The following C1GALT1C1 variants were observed in gnomAD, a reference collection of about 807,000 sequenced individuals.
C1GALT1C1 encodes C1GALT1-specific chaperone 1.
For missense variants in C1GALT1C1, 176 were observed against 234.7 expected (o/e 0.75, Z 1.63); for synonymous variants, 77 against 77.9 (o/e 0.99, Z 0.06).
At chrX:120,627,238 T>C in intron 1 of C1GALT1C1, 67 bp from the exon 2 acceptor site, 1 of 815,892 alleles carries the variant, frequency 1.2e-6, no homozygotes, top group Non-Finnish European at 1.7e-6. Flanking sequence ...TTTGATTTGG[T>C]ATTCCTTATA....
At position 120,626,591 on chromosome X, in the gene C1GALT1C1, T is replaced by G. The variant is rs1408027566; in HGVS notation, c.576A>C (p.Glu192Asp). ...GAAGGCTGTTAAGTCTTTTCATTGA[T>G]TCTACACTTAAGACAATTCCTCCTT... Reference protein sequence around the residue: ...GMEGGIVLSVESMKRLNSLLN... With the variant: ...GMEGGIVLSVDSMKRLNSLLN... Residue 192 changes from glutamate to aspartate, a missense_variant, in exon 2 of 2, where the codon GAA (glutamate) becomes GAC (aspartate). Coordinates refer to ENST00000304661, the MANE Select transcript of C1GALT1C1 (RefSeq NM_001011551.3). 1 of 1,211,428 alleles carries G rather than the reference T, an allele frequency of 8.3e-7. No individual in the cohort carries two copies. Among genetic ancestry groups the G allele is most frequent in the Non-Finnish European group, 1.1e-6 (1 of 895,129 alleles).
Position 120,625,751 on chromosome X carries a change from G to C in C1GALT1C1, c.*459C>G, listed in dbSNP as rs137972928. 9.4e-3 allele frequency: 1,066 copies of C among 112,965 alleles called. 11 individuals are homozygous for C. The highest frequency in any genetic ancestry group is 0.015 in the Non-Finnish European group (818 of 53,992). 9.3% of individuals were successfully genotyped at this position (112,965 alleles called of 1,213,427 possible). A position where few individuals can be genotyped will look rare whatever the true frequency, so the allele number is the denominator to read the frequency against. On this transcript the variant is annotated 3_prime_UTR_variant, in exon 2 of 2. Transcript: ENST00000304661. Reference sequence around the variant, plus strand: ...AGAAGGCAAATCCATTGGAACTTGGGGAGGCTTAGAACATAAATCAGTATT... The same window carrying C: ...AGAAGGCAAATCCATTGGAACTTGGCGAGGCTTAGAACATAAATCAGTATT...
At chrX:120,627,655 T>G (rs1023467063) in intron 1 of C1GALT1C1, among the ~76,000 whole-genome samples, 6 of 112,516 alleles carry the variant, frequency 5.3e-5, no homozygotes, top group African/African-American at 1.9e-4. Flanking sequence ...TTTCTTTAAC[T>G]GATGGCTGCT....
chrX:120,629,218 C>T (rs1427693273), intron 1 of C1GALT1C1, among the ~76,000 whole-genome samples: 2 of 103,298 alleles, frequency 1.9e-5, no homozygotes, highest in African/African-American at 7.2e-5. Flanking sequence ...GCAACAAGAG[C>T]GAGACTCTGT....
rs1041939303 is a variant in C1GALT1C1, at chrX:120,626,652, G to A, written c.515C>T (p.Thr172Ile). Residue 172 changes from threonine (T) to isoleucine (I), a missense_variant, in exon 2 of 2, where the codon ACT becomes ATT. Thr to Ile is a moderately conservative substitution (Grantham distance 89). Coordinates refer to ENST00000304661, the MANE Select transcript of C1GALT1C1 (RefSeq NM_001011551.3). ...ATATTCAAGGTCTCCAGATTTTATA[G>A]TGTGGCCTAGATAGAAAGGCTGTGA... ...DPSQPFYLGH[T>I]IKSGDLEYVG... 1.7e-6 allele frequency: 2 copies of A among 1,207,291 alleles called. No homozygotes were observed. The highest frequency in any genetic ancestry group is 3.5e-5 in the African/African-American group (2 of 57,077).
rs866155880 is a variant in C1GALT1C1 at position 120,629,618 on chromosome X, A to G, written c.-6+299T>C. ...CACAAATGAAACAGAAACTACCCCA[A>G]TGGTTTTTAGATGAACCTTTTTGGG... On this transcript the variant is annotated intron_variant, in intron 1 of 1. Transcript: ENST00000304661. Among the ~76,000 whole-genome samples the G allele has an allele frequency of 8.9e-5, 10 of 112,104 alleles. No individual in the cohort carries two copies. The South Asian group carries it at 3.3e-3, about 37-fold the overall frequency.
chrX:120,629,009 C>T (rs1018322595), intron 1 of C1GALT1C1, among the ~76,000 whole-genome samples: 1 of 111,293 alleles, frequency 9.0e-6, no homozygotes, highest in African/African-American at 3.3e-5. Context: ...GGTGGATCAC[C>T]TGAGGTAGGG....
chrX:120,626,052 TA>T lies in C1GALT1C1; in HGVS notation c.*157del. On this transcript the variant is annotated 3_prime_UTR_variant, in exon 2 of 2. Coordinates refer to ENST00000304661, the MANE Select transcript of C1GALT1C1 (RefSeq NM_001011551.3). The stretch of plus-strand genomic sequence containing the variant: ...TTTAAAGAAAAAAACCACCCTCATT[TA>T]AAAATGTACTACTGACTTTAATGTG... 1 of 417,317 alleles carries T rather than the reference TA, an allele frequency of 2.4e-6. No individual in the cohort carries two copies. The highest frequency in any genetic ancestry group is 4.0e-6 in the Non-Finnish European group (1 of 250,632). The allele number at this position is 417,317 out of a possible 1,213,427, so 34.4% of individuals were successfully genotyped here. A position where few individuals can be genotyped will look rare whatever the true frequency, so the allele number is the denominator to read the frequency against.
rs1221530597 is a variant in C1GALT1C1 at position 120,629,993 on chromosome X, T to C, written c.-82A>G. On this transcript the variant is annotated 5_prime_UTR_variant, in exon 1 of 2. Transcript: ENST00000304661. ...CTCTCACGTTGGCGCACCACTCCGT[T>C]ACGCTCCTGACCAGGCTGTTCTAGC... 8.9e-6 allele frequency: 1 copy of C among 112,132 alleles called. No homozygotes were observed. Among genetic ancestry groups the C allele is most frequent in the Non-Finnish European group, 1.9e-5 (1 of 53,095 alleles). 9.2% of individuals were successfully genotyped at this position (112,132 alleles called of 1,213,427 possible). A position where few individuals can be genotyped will look rare whatever the true frequency, so the allele number is the denominator to read the frequency against.
chrX:120,626,092 G>C lies in C1GALT1C1; in HGVS notation c.*118C>G. 1.5e-6 allele frequency: 1 copy of C among 688,939 alleles called. No individual in the cohort carries two copies. The allele number at this position is 688,939 out of a possible 1,213,427, so 56.8% of individuals were successfully genotyped here. On this transcript the variant is annotated 3_prime_UTR_variant, in exon 2 of 2. Transcript: ENST00000304661. ...GACTTTAATGTGTGGTTATACCAGT[G>C]CCACCAAATTAGAAAAGAAAAAGAA...
At chrX:120,628,658 CA>C in intron 1 of C1GALT1C1, among the ~76,000 whole-genome samples, 1 of 111,771 alleles carries the variant, frequency 8.9e-6, no homozygotes, top group Non-Finnish European at 1.9e-5. Context: ...TGTTTTCATA[CA>C]AATGGGAAAA....
At position 120,626,505 on chromosome X, in the gene C1GALT1C1, T is replaced by C. The variant is rs758199720; in HGVS notation, c.662A>G (p.Lys221Arg). 23 of 1,212,187 alleles carry C rather than the reference T, an allele frequency of 1.9e-5. No individual in the cohort carries two copies. The highest frequency in any genetic ancestry group is 8.7e-5 in the Admixed American group (4 of 46,062). ...ATATTTCAGGCAAACTGCTAGCTGT[T>C]TATCTTCAGATATCTTCCAAATCAT... ...GGMIWKISED[K>R]QLAVCLKYAG... The change falls in exon 2 of 2, where the codon AAA becomes AGA. Residue 221 changes from lysine to arginine, a missense_variant. Transcript: ENST00000304661.
At chrX:120,627,850 T>C (rs188224883) in intron 1 of C1GALT1C1, among the ~76,000 whole-genome samples, 1 of 112,506 alleles carries the variant, frequency 8.9e-6, no homozygotes. Context: ...GATAGATATA[T>C]CTGGGGCCCA....
At position 120,626,359 on chromosome X, in the gene C1GALT1C1, A is replaced by G. The variant is rs1390312834; in HGVS notation, c.808T>C (p.Cys270Arg). 1 of 1,211,310 alleles carries G rather than the reference A, an allele frequency of 8.3e-7. No homozygotes were observed. The highest frequency in any genetic ancestry group is 1.1e-6 in the Non-Finnish European group (1 of 895,420). ...TYHPNQVVEG[C>R]CSDMAVTFNG... ...AAAGTAACAGCCATATCTGAACAAC[A>G]GCCTTCTACTACCTGGTTGGGGTGA... The change falls in exon 2 of 2, where the codon TGT becomes CGT. Residue 270 changes from cysteine to arginine, a missense_variant. Transcript: ENST00000304661.
intron 1 of C1GALT1C1, among the ~76,000 whole-genome samples, chrX:120,629,088 A>C (rs1927269011): frequency 9.1e-6 from 1 of 110,468 alleles, no homozygotes; most frequent in South Asian, 3.8e-4. Context: ...TTAGCCGGGC[A>C]TGGTGGCATA....
Position 120,627,766 on chromosome X carries a change from T to C in C1GALT1C1, c.-5-595A>G, listed in dbSNP as rs5909739. 7.7e-3 allele frequency among the ~76,000 whole-genome samples: 862 copies of C among 112,019 alleles called. 5 individuals are homozygous for C. The highest frequency in any genetic ancestry group is 0.023 in the Middle Eastern group (5 of 218). The stretch of plus-strand genomic sequence containing the variant: ...GTTCCTAAAACTAAATGGTTTCCAA[T>C]ACAGTATCCCAACTATTGATGTAAT... On this transcript the variant is annotated intron_variant, in intron 1 of 1. Transcript: ENST00000304661.
rs777518677 is a variant in C1GALT1C1, at chrX:120,626,719, T to G, written c.448A>C (p.Ile150Leu). Reference sequence around the variant, plus strand: ...AAAAAATACTTTAGGTTTTCAATGATAGCAAACGTAGTGGGGCGTGCAAGG... The same window carrying G: ...AAAAAATACTTTAGGTTTTCAATGAGAGCAAACGTAGTGGGGCGTGCAAGG... ...FFLARPTTFAIIENLKYFLLK... is the reference protein window; with the variant it reads ...FFLARPTTFALIENLKYFLLK... The change falls in exon 2 of 2, where the codon ATC becomes CTC. Residue 150 changes from isoleucine (I) to leucine (L), a missense_variant. Ile to Leu is a conservative substitution (Grantham distance 5, BLOSUM62 2). Transcript: ENST00000304661. The G allele has an allele frequency of 8.3e-7, 1 of 1,211,692 alleles. No homozygotes were observed. Among genetic ancestry groups the G allele is most frequent in the Non-Finnish European group, 1.1e-6 (1 of 895,422 alleles).
At chrX:120,627,832 G>C (rs1345314670) in intron 1 of C1GALT1C1, among the ~76,000 whole-genome samples, 1 of 112,216 alleles carries the variant, frequency 8.9e-6, no homozygotes, top group Non-Finnish European at 1.9e-5. Context: ...GGATCAAAAA[G>C]GAATATTGAT....
chrX:120,627,781 A>G (rs1927227426), intron 1 of C1GALT1C1, among the ~76,000 whole-genome samples: 1 of 112,286 alleles, frequency 8.9e-6, no homozygotes, highest in African/African-American at 3.2e-5. Flanking sequence ...TATCCCAACT[A>G]TTGATGTAAT....
Sources: allele counts gnomAD v4.1 joint callset (sites outside exome capture counted in the v4.1 genomes callset), GRCh38; gene constraint gnomAD v4.1.1; transcripts MANE v1.5; gene names NCBI Gene and HGNC (gene_info 2026-07-23, HGNC 2026-07-21).